ZNF362: variants seen among roughly 807,000 people sequenced by gnomAD.
ZNF362 encodes zinc finger protein 362.
A neutral mutation model predicts 42.9 loss-of-function variants in ZNF362; 11 were observed. The observed-to-expected ratio is 0.26, with a 90% CI of 0.16 to 0.42. The LOEUF (loss-of-function observed/expected upper bound fraction) is 0.42, where lower values mean the gene tolerates loss of function less well. Among genes scored for constraint, ZNF362 ranks in the 20% least tolerant of loss-of-function variants. The pLI, the probability that ZNF362 is intolerant of heterozygous loss-of-function variation, is 1.00. For missense variants in ZNF362, 362 were observed against 576.2 expected, an observed-to-expected ratio of 0.63 and a Z score of 3.81; for synonymous variants, 255 against 257.3, an observed-to-expected ratio of 0.99 and a Z score of 0.09.
the ZNF362 span, among the ~76,000 whole-genome samples, chr1:33,177,103 GCACACACACATGCATGTACGCATGCACA>G: frequency 8.6e-4 from 129 of 150,778 alleles, 1 homozygote; most frequent in East Asian, 0.017. The surrounding 1 kb of genome is among the most constrained non-coding windows in gnomAD (Gnocchi z 4.1). Flanking sequence ...GCACACACAT[GCACACACACATGCATGTACGCATGCACA>G]CACACGCACA....
the ZNF362 span, among the ~76,000 whole-genome samples, chr1:33,178,676 G>A: frequency 3.3e-5 from 5 of 152,196 alleles, no homozygotes; most frequent in South Asian, 4.1e-4. Context: ...GAGCATCAGC[G>A]TTTACATGAA....
chr1:33,276,036 G>A (rs1570394361), intron 2 of ZNF362, 64 bp from the exon 3 acceptor site: 1 of 1,583,930 alleles, frequency 6.3e-7, no homozygotes, highest in South Asian at 1.1e-5. Context: ...GCGCAGCTGA[G>A]GGGTGCTCGC....
the ZNF362 span, among the ~76,000 whole-genome samples, chr1:33,185,696 C>T: frequency 2.0e-5 from 3 of 152,170 alleles, no homozygotes; most frequent in Non-Finnish European, 4.4e-5. Flanking sequence ...GTGGTCTGAA[C>T]TAAGACTTAG....
chr1:33,293,256 C>T (rs1282587948), intron 6 of ZNF362, among the ~76,000 whole-genome samples: 1 of 152,148 alleles, frequency 6.6e-6, no homozygotes, highest in African/African-American at 2.4e-5. Context: ...AGGATGCAGA[C>T]ATAGCAGAGG....
At chr1:33,222,880 T>C in the ZNF362 span, among the ~76,000 whole-genome samples, 1 of 152,124 alleles carries the variant, frequency 6.6e-6, no homozygotes, top group Admixed American at 6.5e-5. Flanking sequence ...TGGGAGGTAA[T>C]TGAATCATGG....
the ZNF362 span, among the ~76,000 whole-genome samples, chr1:33,243,155 T>C: frequency 1.1e-3 from 161 of 151,608 alleles, no homozygotes; most frequent in African/African-American, 3.8e-3. Flanking sequence ...TATGTTATGT[T>C]ATGTTGTTAT....
chr1:33,136,132 TTCC>T, the ZNF362 span, among the ~76,000 whole-genome samples: 8 of 143,156 alleles, frequency 5.6e-5, no homozygotes, highest in African/African-American at 1.8e-4. Flanking sequence ...CCTTCCTTCC[TTCC>T]TTCCTTCCTT....
At chr1:33,204,264 C>G in the ZNF362 span, among the ~76,000 whole-genome samples, 1 of 152,050 alleles carries the variant, frequency 6.6e-6, no homozygotes, top group Admixed American at 6.6e-5. Context: ...GTACCCTTGT[C>G]AAAAATTAGT....
intron 8 of ZNF362, among the ~76,000 whole-genome samples, chr1:33,295,608 T>TTC (rs1283988295): frequency 9.4e-6 from 1 of 106,210 alleles, no homozygotes; most frequent in Non-Finnish European, 2.3e-5. Flanking sequence ...TCCGCAGAGC[T>TTC]ACAGAGAGAA....
At chr1:33,257,795 G>T (rs2148056665) in intron 1 of ZNF362, among the ~76,000 whole-genome samples, 1 of 152,284 alleles carries the variant, frequency 6.6e-6, no homozygotes, top group East Asian at 1.9e-4. Flanking sequence ...GAACCTTCGG[G>T]AGCTGTGTGT....
the ZNF362 span, among the ~76,000 whole-genome samples, chr1:33,244,384 T>C: frequency 1.3e-5 from 2 of 152,210 alleles, no homozygotes; most frequent in Non-Finnish European, 2.9e-5. This position sits in a 1 kb window ranked among gnomAD's most constrained non-coding sequence, Gnocchi z 4.0. Flanking sequence ...CGGAATGCCC[T>C]CACTAACTGA....
chr1:33,168,397 T>TA, the ZNF362 span, among the ~76,000 whole-genome samples: 10 of 151,858 alleles, frequency 6.6e-5, no homozygotes, highest in Non-Finnish European at 1.2e-4. Flanking sequence ...CTTTTTTTTT[T>TA]AAATCCCCAA....
chr1:33,146,531 G>A, the ZNF362 span: 1 of 158,218 alleles, frequency 6.3e-6, no homozygotes, highest in Non-Finnish European at 1.4e-5. Flanking sequence ...GGAAGGTGGT[G>A]GCACATGACT....
At chr1:33,270,717 A>G in intron 2 of ZNF362, 105 bp downstream of exon 2, 1 of 1,539,906 alleles carries the variant, frequency 6.5e-7, no homozygotes, top group East Asian at 2.3e-5. Flanking sequence ...CCCCGCTGCT[A>G]CCCTCTGGGT....
chr1:33,159,884 G>A, the ZNF362 span: 283 of 1,610,454 alleles, frequency 1.8e-4, no homozygotes, highest in East Asian at 1.3e-4. This position sits in a 1 kb window ranked among gnomAD's most constrained non-coding sequence, Gnocchi z 4.2. Context: ...CGTTCACGCA[G>A]CAGCCGGTGC....
the ZNF362 span, among the ~76,000 whole-genome samples, chr1:33,137,710 A>G: frequency 2.0e-5 from 3 of 152,192 alleles, no homozygotes; most frequent in African/African-American, 4.8e-5. Context: ...TTTGGGAACC[A>G]GAAAACTTTC....
chr1:33,222,670 C>T, the ZNF362 span, among the ~76,000 whole-genome samples: 1 of 152,200 alleles, frequency 6.6e-6, no homozygotes, highest in Non-Finnish European at 1.5e-5. Flanking sequence ...CTCATTTCAG[C>T]CTCAGGGCAC....
chr1:33,292,879 T>C (rs556483475), intron 6 of ZNF362, among the ~76,000 whole-genome samples: 19 of 152,312 alleles, frequency 1.2e-4, no homozygotes, highest in African/African-American at 4.6e-4. Flanking sequence ...GGTCCTTCCA[T>C]TGTAGAGACG....
chr1:33,273,545 C>T (rs1395812252), intron 2 of ZNF362, among the ~76,000 whole-genome samples: 6 of 152,174 alleles, frequency 3.9e-5, no homozygotes, highest in Admixed American at 3.9e-4. Flanking sequence ...TGAGAAGCAG[C>T]GAGGTGCAGT....
Sources: gnomAD v4.1 joint callset for allele counts (sites outside exome capture counted in the v4.1 genomes callset) on GRCh38, gnomAD v4.1.1 for gene constraint, Gnocchi (gnomAD v3.1) non-coding constraint, MANE v1.5 for transcripts, NCBI Gene and HGNC (gene_info 2026-07-23, HGNC 2026-07-21) for gene names.